MYO5A: variants seen among roughly 807,000 people sequenced by gnomAD.
The protein encoded by MYO5A is unconventional myosin-Va.
Under a neutral mutation model 249.7 loss-of-function variants are expected in MYO5A, and 98 were observed. The observed-to-expected ratio is 0.39, with a 90% CI of 0.33 to 0.46. The LOEUF (loss-of-function observed/expected upper bound fraction) is 0.46, where lower values mean the gene tolerates loss of function less well. Among genes scored for constraint, MYO5A ranks in the 20% least tolerant of loss-of-function variants. The pLI, the probability that MYO5A is intolerant of heterozygous loss-of-function variation, is 0.98. For missense variants in MYO5A, 1,696 were observed against 2,308.8 expected (o/e 0.73, Z 5.44); for synonymous variants, 778 against 810.6 (o/e 0.96, Z 0.68).
intron 1 of MYO5A, among the ~76,000 whole-genome samples, chr15:52,436,020 C>T (rs754876630): frequency 2.0e-5 from 3 of 152,070 alleles, no homozygotes; most frequent in African/African-American, 2.4e-5. Flanking sequence ...GGGGTTCAAG[C>T]GATTCTCCTG....
intron 1 of MYO5A, among the ~76,000 whole-genome samples, chr15:52,491,215 C>T (rs376108083): frequency 3.3e-5 from 5 of 152,144 alleles, no homozygotes; most frequent in East Asian, 3.8e-4. Flanking sequence ...AGATGACCTA[C>T]GATGATAACT....
chr15:52,405,454 G>C, intron 8 of MYO5A, 61 bp from the exon 9 acceptor site: 1 of 1,260,434 alleles, frequency 7.9e-7, no homozygotes, highest in East Asian at 2.4e-5. Flanking sequence ...AACAATTACA[G>C]CAGACAATTT....
chr15:52,500,849 T>C (rs1397049730), intron 1 of MYO5A, among the ~76,000 whole-genome samples: 1 of 152,114 alleles, frequency 6.6e-6, no homozygotes, highest in Non-Finnish European at 1.5e-5. Flanking sequence ...AAGAGGCTAA[T>C]CCCAACACCA....
intron 1 of MYO5A, among the ~76,000 whole-genome samples, chr15:52,470,142 T>C (rs1042835060): frequency 3.9e-5 from 6 of 152,222 alleles, no homozygotes; most frequent in Non-Finnish European, 7.3e-5. Context: ...ACTGATGACG[T>C]TCCCTCTGTT....
intron 1 of MYO5A, among the ~76,000 whole-genome samples, chr15:52,470,034 G>A (rs751644851): frequency 2.6e-5 from 4 of 152,168 alleles, no homozygotes; most frequent in African/African-American, 7.2e-5. Flanking sequence ...ACATCTGGAC[G>A]ATTTTCTACA....
chr15:52,495,382 T>C (rs2077017187), intron 1 of MYO5A, among the ~76,000 whole-genome samples: 1 of 152,020 alleles, frequency 6.6e-6, no homozygotes, highest in African/African-American at 2.4e-5. Flanking sequence ...GAAATGGAGA[T>C]TACCAGAGGC....
chr15:52,402,186 A>C (rs1484424731), intron 9 of MYO5A, among the ~76,000 whole-genome samples: 3 of 152,188 alleles, frequency 2.0e-5, no homozygotes, highest in Non-Finnish European at 4.4e-5. Flanking sequence ...TTCTGTATGT[A>C]GTTTTTTGAG....
intron 18 of MYO5A, among the ~76,000 whole-genome samples, chr15:52,376,924 G>A (rs555320527): frequency 2.0e-5 from 3 of 152,212 alleles, no homozygotes; most frequent in South Asian, 4.1e-4. Flanking sequence ...GGATTACAGC[G>A]GGCTGTATAT....
intron 1 of MYO5A, among the ~76,000 whole-genome samples, chr15:52,460,642 G>A (rs530060294): frequency 2.0e-5 from 3 of 151,698 alleles, no homozygotes; most frequent in Admixed American, 2.0e-4. Flanking sequence ...TGTGCAAAGG[G>A]GAGACGAGGA....
intron 17 of MYO5A, 22 bp from the exon 18 acceptor site, chr15:52,379,755 A>G: frequency 6.2e-7 from 1 of 1,613,580 alleles, no homozygotes. Context: ...AAACCATCTG[A>G]GTTTACTTAA....
At chr15:52,447,919 A>C (rs1181058390) in intron 1 of MYO5A, among the ~76,000 whole-genome samples, 1 of 152,232 alleles carries the variant, frequency 6.6e-6, no homozygotes, top group Non-Finnish European at 1.5e-5. Flanking sequence ...TGTACGGAAA[A>C]GCCTGGAAGT....
At position 52,367,047 on chromosome 15, in the gene MYO5A, C is replaced by T; in HGVS notation, c.3144G>A (p.Gln1048=). The change falls in exon 23 of 42, where the codon CAG becomes CAA. Residue 1048 remains glutamine, a synonymous_variant. Transcript: ENST00000399233. ...AAGCTTTACCTGTCATCTCCTTAGC[C>T]TGCTGCACGATGCGGTGATTGAGGG... ...KEALNHRIVQ[Q]AKEMTETMEK... The T allele has an allele frequency of 6.2e-7, 1 of 1,613,808 alleles. No homozygotes were observed. The highest frequency in any genetic ancestry group is 8.5e-7 in the Non-Finnish European group (1 of 1,179,756).
chr15:52,528,428 C>A (rs1031362153), intron 1 of MYO5A, among the ~76,000 whole-genome samples: 1 of 152,238 alleles, frequency 6.6e-6, no homozygotes, highest in Non-Finnish European at 1.5e-5. Context: ...CATCTCCCAC[C>A]CGCCGGGAAT....
intron 3 of MYO5A, among the ~76,000 whole-genome samples, chr15:52,427,663 A>C (rs1595662755): frequency 6.6e-6 from 1 of 152,234 alleles, no homozygotes; most frequent in East Asian, 1.9e-4. Context: ...TGAAGAAATC[A>C]TGAGCACTGA....
At chr15:52,389,871 T>C (rs1380388714) in intron 12 of MYO5A, among the ~76,000 whole-genome samples, 1 of 152,116 alleles carries the variant, frequency 6.6e-6, no homozygotes, top group Non-Finnish European at 1.5e-5. Flanking sequence ...GGAGAATCCC[T>C]TGAACCTGGG....
In MYO5A at chr15:52,425,936, G is replaced by A; in HGVS notation, c.349C>T (p.Pro117Ser). ...LVAINPYEQL[P>S]IYGEDIINAY... Reference sequence around the variant, plus strand: ...TTAATAATATCTTCTCCATAAATAGGCAGCTGTTCATAGGGATTTATAGCT... The same window carrying A: ...TTAATAATATCTTCTCCATAAATAGACAGCTGTTCATAGGGATTTATAGCT... The change falls in exon 4 of 42, where the codon CCT becomes TCT. Residue 117 changes from proline to serine, a missense_variant. Physicochemically the swap from Pro to Ser is moderately conservative, Grantham distance 74. This residue lies in a region of MYO5A where 197 missense variants were observed against 320.3 expected (regional missense o/e 0.62). Coordinates refer to ENST00000399233, the MANE Select transcript of MYO5A (RefSeq NM_001382347.1). The A allele has an allele frequency of 6.2e-7, 1 of 1,613,070 alleles. No individual in the cohort carries two copies. The highest frequency in any genetic ancestry group is 8.5e-7 in the Non-Finnish European group (1 of 1,179,194).
chr15:52,389,516 T>C (rs2141156908), intron 12 of MYO5A, among the ~76,000 whole-genome samples, 153 bp from the exon 13 acceptor site: 1 of 152,278 alleles, frequency 6.6e-6, no homozygotes, highest in East Asian at 1.9e-4. Flanking sequence ...CCACATTTCA[T>C]TGTTAGAGGC....
intron 1 of MYO5A, among the ~76,000 whole-genome samples, chr15:52,469,027 G>A (rs906837758): frequency 4.0e-5 from 6 of 151,884 alleles, no homozygotes; most frequent in South Asian, 2.1e-4. Flanking sequence ...ATTTTCCCAC[G>A]GAGATACTAA....
intron 1 of MYO5A, among the ~76,000 whole-genome samples, chr15:52,461,175 AC>A (rs1375912387): frequency 6.6e-6 from 1 of 151,884 alleles, no homozygotes; most frequent in Non-Finnish European, 1.5e-5. Flanking sequence ...ATGATCTCCA[AC>A]TCCTGGGCTC....
Sources: gnomAD v4.1 joint callset for allele counts (sites outside exome capture counted in the v4.1 genomes callset) on GRCh38, gnomAD v4.1.1 for gene constraint, gnomAD v4.1.1 regional missense constraint, MANE v1.5 for transcripts, NCBI Gene and HGNC (gene_info 2026-07-23, HGNC 2026-07-21) for gene names.